Variants in KATNBL1 observed in about 807,000 individuals in gnomAD.
KATNBL1 encodes the protein katanin regulatory subunit B1 like 1, also known as KATNB1-like protein 1.
KATNBL1 carries 28 observed loss-of-function variants against 44.7 expected under a neutral mutation model. That is an observed-to-expected ratio of 0.63 (90% CI 0.46 to 0.86). The LOEUF (loss-of-function observed/expected upper bound fraction) is 0.86. Among genes scored for constraint, KATNBL1 ranks in the 40% least tolerant of loss-of-function variants. The pLI, the probability that KATNBL1 is intolerant of heterozygous loss-of-function variation, is 0.00. For missense variants in KATNBL1, 272 were observed against 350.7 expected (o/e 0.78, Z 1.79); for synonymous variants, 78 against 114.9 (o/e 0.68, Z 2.06).
intron 5 of KATNBL1, among the ~76,000 whole-genome samples, chr15:34,147,651 TAAAC>T (rs1888350474): frequency 6.6e-6 from 1 of 151,768 alleles, no homozygotes; most frequent in African/African-American, 2.4e-5. Flanking sequence ...AGACAGGCAA[TAAAC>T]AAATAACAAG....
At chr15:34,164,890 G>A (rs1034305800) in intron 1 of KATNBL1, among the ~76,000 whole-genome samples, 4 of 152,154 alleles carry the variant, frequency 2.6e-5, no homozygotes, top group South Asian at 2.1e-4. Context: ...CTCTGCAGTG[G>A]AGCCCAAAGC....
chr15:34,142,425 A>C, intron 9 of KATNBL1, 54 bp from the exon 10 acceptor site: 1 of 1,523,862 alleles, frequency 6.6e-7, no homozygotes, highest in East Asian at 2.3e-5. Context: ...ATACAAACAT[A>C]AACAATCCAT....
intron 2 of KATNBL1, among the ~76,000 whole-genome samples, chr15:34,161,989 T>G (rs1316788942): frequency 6.6e-6 from 1 of 152,212 alleles, no homozygotes; most frequent in Admixed American, 6.5e-5. Context: ...TTGAGGCATA[T>G]TTAAGTTCAT....
chr15:34,195,693 A>AAAAAAAAAAAAAAAAAAAAAAAAAC (rs1359933138), intron 1 of KATNBL1, among the ~76,000 whole-genome samples: 6 of 150,338 alleles, frequency 4.0e-5, no homozygotes, highest in African/African-American at 1.5e-4. Flanking sequence ...GCCATCTCAA[A>AAAAAAAAAAAAAAAAAAAAAAAAAC]AAAAAAAAAA....
At chr15:34,185,973 C>T (rs1175244348) in intron 1 of KATNBL1, among the ~76,000 whole-genome samples, 1 of 152,142 alleles carries the variant, frequency 6.6e-6, no homozygotes, top group African/African-American at 2.4e-5. Context: ...GAAAGGAATT[C>T]ATATAAGACA....
At chr15:34,190,112 T>C (rs1057130494) in intron 1 of KATNBL1, among the ~76,000 whole-genome samples, 6 of 152,070 alleles carry the variant, frequency 3.9e-5, no homozygotes, top group Non-Finnish European at 8.8e-5. Context: ...ACCTGGCTAA[T>C]TTTTTGTATT....
chr15:34,160,357 T>C lies in KATNBL1; in HGVS notation c.117+3203A>G, dbSNP rs150495067. On this transcript the variant is annotated intron_variant, in intron 2 of 9. Transcript: ENST00000256544. ...CTCTTCTTACATATACTTTTTGGGC[T>C]TCTCTTAGAAGCTCTTCTATAGATC... Among the ~76,000 whole-genome samples the C allele has an allele frequency of 2.6e-3, 389 of 152,300 alleles. 4 individuals carry two copies. The highest frequency in any genetic ancestry group is 8.8e-3 in the African/African-American group (367 of 41,580).
At chr15:34,172,760 G>GACACACAC (rs34182114) in intron 1 of KATNBL1, among the ~76,000 whole-genome samples, 111 of 146,546 alleles carry the variant, frequency 7.6e-4, no homozygotes, top group Middle Eastern at 3.4e-3. Flanking sequence ...CACAGACACA[G>GACACACAC]ACACACACAC....
chr15:34,174,183 G>A (rs1160633720), intron 1 of KATNBL1, among the ~76,000 whole-genome samples: 1 of 152,154 alleles, frequency 6.6e-6, no homozygotes, highest in African/African-American at 2.4e-5. Context: ...GATAAGTGGT[G>A]GAGGTTAAAG....
At chr15:34,156,536 TAA>T (rs939276243) in intron 2 of KATNBL1, among the ~76,000 whole-genome samples, 41 of 152,246 alleles carry the variant, frequency 2.7e-4, no homozygotes, top group Non-Finnish European at 7.3e-5. Flanking sequence ...TCTCAATTGC[TAA>T]AGTTTCTTTT....
rs560017149 is a variant in KATNBL1, at chr15:34,163,413, C to T, written c.117+147G>A. 50 of 882,210 alleles carry T rather than the reference C, an allele frequency of 5.7e-5. No homozygotes were observed. The South Asian group carries it at 7.5e-4, about 13-fold the overall frequency. The allele number at this position is 882,210 out of a possible 1,614,324, so 54.6% of individuals were successfully genotyped here. On this transcript the variant is annotated intron_variant, in intron 2 of 9. Coordinates refer to ENST00000256544, the MANE Select transcript of KATNBL1 (RefSeq NM_024713.3). ...CCTAACAAAGAAAAAAAAAGAAATA[C>T]ATTGGTTATATTTCACCAATTCAAC...
chr15:34,152,131 G>T (rs770224029), intron 4 of KATNBL1, among the ~76,000 whole-genome samples: 1 of 151,602 alleles, frequency 6.6e-6, no homozygotes, highest in Non-Finnish European at 1.5e-5. Context: ...GTAGAGACAG[G>T]GTGTTTCACC....
intron 1 of KATNBL1, among the ~76,000 whole-genome samples, chr15:34,166,338 C>A (rs376111623): frequency 6.6e-6 from 1 of 152,346 alleles, no homozygotes; most frequent in African/African-American, 2.4e-5. Context: ...TTACTGCCAG[C>A]GCAGCAGTCT....
chr15:34,183,460 G>T (rs558385376), intron 1 of KATNBL1, among the ~76,000 whole-genome samples: 1 of 152,272 alleles, frequency 6.6e-6, no homozygotes, highest in South Asian at 2.1e-4. Flanking sequence ...CAGCTAAAAA[G>T]ATTAGGTCAA....
At chr15:34,154,367 T>C (rs757467622) in intron 3 of KATNBL1, among the ~76,000 whole-genome samples, 7 of 152,202 alleles carry the variant, frequency 4.6e-5, no homozygotes, top group Non-Finnish European at 8.8e-5. Context: ...CTTTTCTAGC[T>C]ATATGATTCT....
At chr15:34,178,739 G>T (rs186059885) in intron 1 of KATNBL1, among the ~76,000 whole-genome samples, 1 of 126,798 alleles carries the variant, frequency 7.9e-6, no homozygotes, top group East Asian at 2.3e-4. Context: ...CTGGGCGACA[G>T]AGCAAGACTC....
chr15:34,179,613 C>T (rs1407622333), intron 1 of KATNBL1, among the ~76,000 whole-genome samples: 1 of 152,102 alleles, frequency 6.6e-6, no homozygotes, highest in African/African-American at 2.4e-5. Flanking sequence ...AGACTATAGG[C>T]ACACAACATC....
rs1597423848 is a variant in KATNBL1 at position 34,147,506 on chromosome 15, C to T, written c.558-76G>A. The T allele has an allele frequency of 6.0e-6, 7 of 1,162,522 alleles. No individual in the cohort carries two copies. In the South Asian group the frequency reaches 8.0e-5, roughly 13 times the overall value. 72.0% of individuals were successfully genotyped at this position (1,162,522 alleles called of 1,614,324 possible). ...TACTTTCATATTATGATTATTCACACCGCTTTTGAGAAATTCATTCATTTA... is the reference window on the plus strand; with the variant it reads ...TACTTTCATATTATGATTATTCACATCGCTTTTGAGAAATTCATTCATTTA... On this transcript the variant is annotated intron_variant, in intron 5 of 9. Coordinates refer to ENST00000256544, the MANE Select transcript of KATNBL1 (RefSeq NM_024713.3).
At chr15:34,186,359 G>C (rs1191738048) in intron 1 of KATNBL1, among the ~76,000 whole-genome samples, 1 of 152,218 alleles carries the variant, frequency 6.6e-6, no homozygotes, top group African/African-American at 2.4e-5. Context: ...GCTTTACTGA[G>C]CAAGCAGGAG....
Sources: gnomAD v4.1 joint callset for allele counts (sites outside exome capture counted in the v4.1 genomes callset) on GRCh38, gnomAD v4.1.1 for gene constraint, MANE v1.5 for transcripts, NCBI Gene and HGNC (gene_info 2026-07-23, HGNC 2026-07-21) for gene names.